Variants in PTGER3 observed in about 807,000 individuals in gnomAD.
The protein encoded by PTGER3 is prostaglandin E2 receptor EP3 subtype.
PTGER3 carries 22 observed loss-of-function variants against 34.7 expected under a neutral mutation model. The ratio of observed to expected loss-of-function variants is 0.63; its 90% CI spans 0.45 to 0.91. The LOEUF (loss-of-function observed/expected upper bound fraction) is 0.91, where lower values mean the gene tolerates loss of function less well. PTGER3 is among the 40% of genes least tolerant of loss of function. The pLI is 0.00. For synonymous variants in PTGER3, 241 were observed against 230.1 expected, an observed-to-expected ratio of 1.05 and a Z score of -0.43; for missense variants, 468 against 519.4, an observed-to-expected ratio of 0.90 and a Z score of 0.96.
At chr1:71,017,882 A>C (rs1188377871) in intron 1 of PTGER3, among the ~76,000 whole-genome samples, 2 of 152,222 alleles carry the variant, frequency 1.3e-5, no homozygotes, top group Non-Finnish European at 2.9e-5. Context: ...CTTGTGCCTC[A>C]GACTCCCAAG....
chr1:70,908,872 G>T (rs1056229874), intron 4 of PTGER3, among the ~76,000 whole-genome samples: 1 of 152,054 alleles, frequency 6.6e-6, no homozygotes, highest in African/African-American at 2.4e-5. Context: ...TACTCAGAAA[G>T]CCCTATGCAA....
intron 4 of PTGER3, among the ~76,000 whole-genome samples, chr1:70,895,608 C>G (rs1490514560): frequency 1.3e-5 from 2 of 152,170 alleles, no homozygotes; most frequent in Non-Finnish European, 2.9e-5. Context: ...TTTAGAATGC[C>G]TGGCTCAGTC....
At chr1:71,034,048 T>A (rs1455504667) in intron 1 of PTGER3, among the ~76,000 whole-genome samples, 1 of 152,168 alleles carries the variant, frequency 6.6e-6, no homozygotes, top group Non-Finnish European at 1.5e-5. Flanking sequence ...TTAGTATTGT[T>A]ATGATGTGTC....
At chr1:71,029,974 A>G (rs978926052) in intron 1 of PTGER3, among the ~76,000 whole-genome samples, 1 of 121,002 alleles carries the variant, frequency 8.3e-6, no homozygotes, top group African/African-American at 3.6e-5. Context: ...AAATAAGTAA[A>G]TAAATAAATA....
At chr1:71,031,209 T>G (rs1303104873) in intron 1 of PTGER3, among the ~76,000 whole-genome samples, 1 of 151,574 alleles carries the variant, frequency 6.6e-6, no homozygotes, top group African/African-American at 2.4e-5. Flanking sequence ...CCAGTCTCAC[T>G]GCTACCCCAA....
intron 4 of PTGER3, among the ~76,000 whole-genome samples, chr1:70,914,869 T>C (rs1647139627): frequency 6.6e-6 from 1 of 151,852 alleles, no homozygotes; most frequent in Non-Finnish European, 1.5e-5. Context: ...ATGGATGCAA[T>C]TGAATAAATA....
downstream of PTGER3, among the ~76,000 whole-genome samples, chr1:70,968,861 ATTT>A: frequency 6.6e-6 from 1 of 152,102 alleles, no homozygotes; most frequent in Admixed American, 6.5e-5. Context: ...TTTTCTAATT[ATTT>A]TGTTACTTAT....
chr1:70,883,194 T>C (rs543538378), intron 4 of PTGER3, among the ~76,000 whole-genome samples: 1 of 152,228 alleles, frequency 6.6e-6, no homozygotes, highest in Non-Finnish European at 1.5e-5. Flanking sequence ...AGTATTTTTA[T>C]GTTCCTGAGG....
chr1:70,950,502 A>G (rs569344243), downstream of PTGER3, among the ~76,000 whole-genome samples: 1 of 152,312 alleles, frequency 6.6e-6, no homozygotes, highest in East Asian at 1.9e-4. Context: ...TTCACGGGAA[A>G]AAGGAGCAAG....
chr1:70,886,362 C>A (rs1337843016), intron 4 of PTGER3: 2 of 440,612 alleles, frequency 4.5e-6, no homozygotes, highest in Non-Finnish European at 9.1e-6. Context: ...TTTAAGCCAC[C>A]TAGTCTGTGG....
chr1:70,860,001 C>T (rs192671429), intron 4 of PTGER3, among the ~76,000 whole-genome samples: 126 of 149,322 alleles, frequency 8.4e-4, no homozygotes, highest in African/African-American at 1.2e-3. Context: ...CTAGACTATG[C>T]GTTTTTCATG....
At chr1:70,915,357 G>A (rs6667630) in intron 4 of PTGER3, among the ~76,000 whole-genome samples, 1,563 of 151,840 alleles carry the variant, frequency 0.01, 36 homozygotes, top group African/African-American at 0.036. Context: ...ATTAATGCAT[G>A]GAGAGTTTGG....
chr1:70,947,838 G>A (rs532575927), downstream of PTGER3, among the ~76,000 whole-genome samples: 13 of 152,126 alleles, frequency 8.5e-5, no homozygotes, highest in African/African-American at 1.2e-4. Flanking sequence ...GTTTATCTAC[G>A]TGTACATGTT....
intron 4 of PTGER3, among the ~76,000 whole-genome samples, chr1:70,932,082 CT>C (rs1648759315): frequency 6.6e-6 from 1 of 152,180 alleles, no homozygotes; most frequent in Non-Finnish European, 1.5e-5. Flanking sequence ...CTTTAATCAT[CT>C]CTCTCAAGTT....
At chr1:70,953,154 C>G in intron 3 of PTGER3, 1 of 1,074,098 alleles carries the variant, frequency 9.3e-7, no homozygotes, top group Non-Finnish European at 1.3e-6. Flanking sequence ...ACAGTATAAT[C>G]ACTATTTATA....
chr1:70,964,488 T>G (rs928512400), intron 2 of PTGER3, among the ~76,000 whole-genome samples: 6 of 152,170 alleles, frequency 3.9e-5, no homozygotes, highest in Non-Finnish European at 8.8e-5. Flanking sequence ...AGTCATGTCT[T>G]ACATGGCAGC....
At chr1:71,020,272 T>A (rs1557747800) in intron 1 of PTGER3, among the ~76,000 whole-genome samples, 5 of 149,814 alleles carry the variant, frequency 3.3e-5, no homozygotes. Flanking sequence ...ATTAAAAAAA[T>A]TAGTAGAATT....
intron 1 of PTGER3, among the ~76,000 whole-genome samples, chr1:71,019,140 T>C (rs1658178103): frequency 6.6e-6 from 1 of 152,204 alleles, no homozygotes; most frequent in South Asian, 2.1e-4. Flanking sequence ...TCAGACTGTT[T>C]AGACTTTGAG....
intron 2 of PTGER3, chr1:71,010,067 C>T: frequency 2.0e-6 from 2 of 985,180 alleles, no homozygotes; most frequent in Non-Finnish European, 2.4e-6. Context: ...AGCTGCCATT[C>T]ATCCCCTCCT....
Sources: allele counts gnomAD v4.1 joint callset (sites outside exome capture counted in the v4.1 genomes callset), GRCh38; gene constraint gnomAD v4.1.1; transcripts MANE v1.5; gene names NCBI Gene and HGNC (gene_info 2026-07-23, HGNC 2026-07-21).